PARP1: variants seen among roughly 807,000 people sequenced by gnomAD.
PARP1 encodes poly(ADP-ribose) polymerase 1.
A neutral mutation model predicts 118.7 loss-of-function variants in PARP1; 44 were observed. That is an observed-to-expected ratio of 0.37 (90% CI 0.29 to 0.48). The LOEUF (loss-of-function observed/expected upper bound fraction) is 0.48. Ranked by LOEUF, PARP1 falls within the 20% of genes least tolerant of loss-of-function variation. The pLI is 0.99. For synonymous variants in PARP1, 492 were observed against 483.2 expected (o/e 1.02, Z -0.24); for missense variants, 1,100 against 1,272.4 (o/e 0.86, Z 2.06).
chr1:226,403,113 G>A (rs1286691120), intron 1 of PARP1, among the ~76,000 whole-genome samples: 2 of 152,202 alleles, frequency 1.3e-5, no homozygotes, highest in Non-Finnish European at 2.9e-5. Context: ...AGGGAACACA[G>A]TTCCCCTCTC....
chr1:226,367,119 C>T (rs377470840), intron 17 of PARP1: 8 of 323,080 alleles, frequency 2.5e-5, no homozygotes, highest in East Asian at 1.5e-4. Flanking sequence ...TAAAAGTTCA[C>T]GCTACAAGGG....
chr1:226,377,281 C>A lies in PARP1; in HGVS notation c.1768G>T (p.Gly590Cys). Reference protein sequence around the residue: ...ENRYWIFRSWGRVGTVIGSNK... With the variant: ...ENRYWIFRSWCRVGTVIGSNK... ...CTACCGATCACCGTACCCACACGGC[C>A]CCAGGACCTGAATATCCAATACCTG... Residue 590 changes from glycine (G) to cysteine (C), a missense_variant, in exon 13 of 23, where the codon GGC (glycine) becomes TGC (cysteine). Gly to Cys is a radical substitution (Grantham distance 159). Coordinates refer to ENST00000366794, the MANE Select transcript of PARP1 (RefSeq NM_001618.4). 1 of 1,613,978 alleles carries A rather than the reference C, an allele frequency of 6.2e-7. No individual in the cohort carries two copies. The highest frequency in any genetic ancestry group is 1.3e-5 in the African/African-American group (1 of 75,012).
chr1:226,393,912 C>T (rs1034907279), intron 2 of PARP1, among the ~76,000 whole-genome samples: 1 of 152,114 alleles, frequency 6.6e-6, no homozygotes, highest in African/African-American at 2.4e-5. Flanking sequence ...GACATGACTA[C>T]ACAAACGTTA....
chr1:226,373,267 C>CT (rs1664425705), intron 14 of PARP1, among the ~76,000 whole-genome samples: 1 of 152,168 alleles, frequency 6.6e-6, no homozygotes. Flanking sequence ...GGGTGGAATG[C>CT]TTAAGGCTGA....
At chr1:226,363,861 C>T (rs765298346) in intron 20 of PARP1, 82 bp downstream of exon 20, 10 of 1,496,632 alleles carry the variant, frequency 6.7e-6, no homozygotes, top group Admixed American at 1.7e-5. Context: ...TTTCTACTCT[C>T]CCAGCCAAGG....
At chr1:226,397,060 G>A (rs1664937215) in intron 2 of PARP1, among the ~76,000 whole-genome samples, 1 of 151,752 alleles carries the variant, frequency 6.6e-6, no homozygotes, top group Non-Finnish European at 1.5e-5. Context: ...GGGAGGCAGA[G>A]GTGAGATTGT....
In PARP1 at chr1:226,390,443, AG is replaced by A. The variant is rs1664801376; in HGVS notation, c.583del (p.Leu195Ter). The A allele has an allele frequency of 1.9e-6, 3 of 1,613,950 alleles. No homozygotes were observed. The highest frequency in any genetic ancestry group is 3.3e-5 in the Admixed American group (2 of 59,998). ...CTTGACTCCTGGGAGCTGCTTCTTCAGGGCTTCTTTATCCTCTGTAGCAAGG... is the reference window on the plus strand; with the variant it reads ...CTTGACTCCTGGGAGCTGCTTCTTCAGGCTTCTTTATCCTCTGTAGCAAGG... The part of the protein sequence containing the change: ...SLLATEDKEA[L>X]KKQLPGVKSE... On this transcript the variant is annotated frameshift_variant, in exon 4 of 23. Coordinates refer to ENST00000366794, the MANE Select transcript of PARP1 (RefSeq NM_001618.4). LOFTEE classifies it high-confidence loss of function.
At chr1:226,395,782 C>T (rs12240196) in intron 2 of PARP1, among the ~76,000 whole-genome samples, 34,274 of 152,130 alleles carry the variant, frequency 0.23, 4,640 homozygotes, top group African/African-American at 0.37. Context: ...TGCTGCAACA[C>T]GGACGAACCC....
chr1:226,389,095 G>GT (rs1004068267), intron 4 of PARP1, among the ~76,000 whole-genome samples: 14 of 152,104 alleles, frequency 9.2e-5, no homozygotes, highest in Admixed American at 7.8e-4. Context: ...AGAAACCCAT[G>GT]TATCTCCTGG....
At chr1:226,383,918 GAC>G (rs1007181281) in intron 7 of PARP1, among the ~76,000 whole-genome samples, 3 of 152,100 alleles carry the variant, frequency 2.0e-5, no homozygotes, top group African/African-American at 7.2e-5. Context: ...GATTGCTTCC[GAC>G]ACACACAGAC....
At chr1:226,388,617 A>T (rs1384877401) in intron 5 of PARP1, 39 bp downstream of exon 5, 2 of 1,318,712 alleles carry the variant, frequency 1.5e-6, no homozygotes, top group South Asian at 2.3e-5. Flanking sequence ...GAATCCAGAC[A>T]GCAGAATGTC....
In PARP1 at chr1:226,386,379, G is replaced by T. The variant is rs1179299518; in HGVS notation, c.781C>A (p.Leu261Met). ...TTGTTGAAGATGAGTAGCTCCTTCA[G>T]GTCATTAGTTGAACACACTTTCTTT... Reference protein sequence around the residue: ...ELKKVCSTNDLKELLIFNKQQ... With the variant: ...ELKKVCSTNDMKELLIFNKQQ... Residue 261 changes from leucine (L) to methionine (M), a missense_variant, in exon 6 of 23, where the codon CTG becomes ATG. Leu to Met is a conservative substitution (Grantham distance 15). Transcript: ENST00000366794. 1 of 1,613,948 alleles carries T rather than the reference G, an allele frequency of 6.2e-7. No individual in the cohort carries two copies. Among genetic ancestry groups the T allele is most frequent in the Non-Finnish European group, 8.5e-7 (1 of 1,179,940 alleles).
chr1:226,388,866 C>G lies in PARP1; in HGVS notation c.618-111G>C. 3 of 841,892 alleles carry G rather than the reference C, an allele frequency of 3.6e-6. No homozygotes were observed. In the South Asian group the frequency reaches 4.0e-5, roughly 11 times the overall value. 52.2% of individuals were successfully genotyped at this position (841,892 alleles called of 1,614,324 possible). A position where few individuals can be genotyped will look rare whatever the true frequency, so the allele number is the denominator to read the frequency against. The stretch of plus-strand genomic sequence containing the variant: ...TCATTCTATCAACTCCCTGTAGGGC[C>G]TACTCACACTTGTCACTCCCTAACC... On this transcript the variant is annotated intron_variant, in intron 4 of 22. Coordinates refer to ENST00000366794, the MANE Select transcript of PARP1 (RefSeq NM_001618.4).
chr1:226,393,221 T>C (rs1664852636), intron 2 of PARP1, among the ~76,000 whole-genome samples: 1 of 152,202 alleles, frequency 6.6e-6, no homozygotes, highest in South Asian at 2.1e-4. Flanking sequence ...GCAAGGACAC[T>C]GGTATTTAAA....
At chr1:226,407,705 G>GCCCGGC (rs1665179948) in intron 1 of PARP1, 105 bp downstream of exon 1, 1 of 1,194,116 alleles carries the variant, frequency 8.4e-7, no homozygotes, top group East Asian at 4.1e-5. Context: ...CGCTCCGAGG[G>GCCCGGC]CCCGGGCCCG....
rs2102724407 is a variant in PARP1, at chr1:226,361,206, CTA to C, written c.*252_*253del. 1 of 560,128 alleles carries C rather than the reference CTA, an allele frequency of 1.8e-6. No homozygotes were observed. Among genetic ancestry groups the C allele is most frequent in the African/African-American group, 1.9e-5 (1 of 53,260 alleles). The allele number at this position is 560,128 out of a possible 1,614,324, so 34.7% of individuals were successfully genotyped here. A position where few individuals can be genotyped will look rare whatever the true frequency, so the allele number is the denominator to read the frequency against. ...ACAGAATCTCTCTCCAGCCTTTTCT[CTA>C]TGTCAGTTTTATCTACCTGGCAAGA... On this transcript the variant is annotated 3_prime_UTR_variant, in exon 23 of 23. Coordinates refer to ENST00000366794, the MANE Select transcript of PARP1 (RefSeq NM_001618.4).
chr1:226,361,159 T>A lies in PARP1; in HGVS notation c.*301A>T. On this transcript the variant is annotated 3_prime_UTR_variant, in exon 23 of 23. Coordinates refer to ENST00000366794, the MANE Select transcript of PARP1 (RefSeq NM_001618.4). ...AGACATTCTAACGAAGCTTGGTTTT[T>A]TCCATAGGACTAGTCTATGCAACAG... The A allele has an allele frequency of 2.3e-6, 1 of 438,408 alleles. No individual in the cohort carries two copies. Among genetic ancestry groups the A allele is most frequent in the Non-Finnish European group, 4.1e-6 (1 of 241,406 alleles). The allele number at this position is 438,408 out of a possible 1,614,324, so 27.2% of individuals were successfully genotyped here.
At position 226,380,027 on chromosome 1, in the gene PARP1, G is replaced by T; in HGVS notation, c.1438C>A (p.Pro480Thr). The T allele has an allele frequency of 6.2e-7, 1 of 1,614,170 alleles. No individual in the cohort carries two copies. Reference sequence around the variant, plus strand: ...TCTGCCTTCACCTCTGCCCCCCAAGGGGACAAGATGTGCGCTAAGAACAAC... The same window carrying T: ...TCTGCCTTCACCTCTGCCCCCCAAGTGGACAAGATGTGCGCTAAGAACAAC... ...QELFLAHILS[P>T]WGAEVKAEPV... is the part of the protein sequence containing the mutation. The change falls in exon 10 of 23, where the codon CCT becomes ACT. Residue 480 changes from proline to threonine, a missense_variant. Physicochemically the swap from Pro to Thr is conservative, Grantham distance 38 (BLOSUM62 -1). Coordinates refer to ENST00000366794, the MANE Select transcript of PARP1 (RefSeq NM_001618.4).
At chr1:226,379,777 C>A in intron 10 of PARP1, 136 bp from the exon 11 acceptor site, 2 of 1,418,020 alleles carry the variant, frequency 1.4e-6, no homozygotes, top group Non-Finnish European at 2.0e-6. Flanking sequence ...CTCCCGCCAC[C>A]CCAAAGCGCC....
Sources: allele counts gnomAD v4.1 joint callset (sites outside exome capture counted in the v4.1 genomes callset), GRCh38; gene constraint gnomAD v4.1.1; transcripts MANE v1.5; gene names NCBI Gene and HGNC (gene_info 2026-07-23, HGNC 2026-07-21).